The following MFAP3L variants were observed in gnomAD, a reference collection of about 807,000 sequenced individuals.
The protein encoded by MFAP3L is microfibrillar-associated protein 3-like.
A neutral mutation model predicts 20.0 loss-of-function variants in MFAP3L; 5 were observed. That is an observed-to-expected ratio of 0.25 (90% CI 0.13 to 0.53). The LOEUF (loss-of-function observed/expected upper bound fraction) is 0.53, where lower values mean the gene tolerates loss of function less well. MFAP3L is among the 20% of genes least tolerant of loss of function. The pLI is 0.96. For missense variants in MFAP3L, 409 were observed against 527.5 expected (o/e 0.78, Z 2.20); for synonymous variants, 219 against 213.0 (o/e 1.03, Z -0.25).
rs1012099842 is a variant in MFAP3L, at chr4:169,991,759, C to A, written c.849G>T (p.Arg283Ser). ...HTPEGQEAAD[R>S]DEVYTIPNSL... is the part of the protein sequence containing the mutation. ...AGTTGGGGATTGTGTAGACCTCATCCCTGTCTGCGGCCTCCTGGCCCTCTG... is the reference window on the plus strand; with the variant it reads ...AGTTGGGGATTGTGTAGACCTCATCACTGTCTGCGGCCTCCTGGCCCTCTG... Residue 283 changes from arginine to serine, a missense_variant, in exon 3 of 3, where the codon AGG (arginine) becomes AGT (serine). This residue lies in a region of MFAP3L where 169 missense variants were observed against 178.2 expected (regional missense o/e 0.95). Coordinates refer to ENST00000361618, the MANE Select transcript of MFAP3L (RefSeq NM_021647.8). This position sits in a 1 kb window ranked among gnomAD's most constrained non-coding sequence, Gnocchi z 4.9. 3 of 1,613,946 alleles carry A rather than the reference C, an allele frequency of 1.9e-6. No homozygotes were observed. Among genetic ancestry groups the A allele is most frequent in the East Asian group, 4.5e-5 (2 of 44,868 alleles).
At chr4:170,021,080 G>A (rs552343076) in intron 1 of MFAP3L, among the ~76,000 whole-genome samples, 7 of 151,946 alleles carry the variant, frequency 4.6e-5, no homozygotes, top group Non-Finnish European at 8.8e-5. Flanking sequence ...CAAGAGACCC[G>A]GGTTAGAACC....
chr4:170,006,115 C>CTTTT, intron 1 of MFAP3L, 105 bp from the exon 2 acceptor site: 3 of 605,306 alleles, frequency 5.0e-6, no homozygotes, highest in East Asian at 1.1e-4. Context: ...CATCAACATA[C>CTTTT]TTTTTTTTTT....
chr4:170,010,347 TAACACCTTTCAGG>T, intron 1 of MFAP3L, among the ~76,000 whole-genome samples: 1 of 152,226 alleles, frequency 6.6e-6, no homozygotes, highest in Non-Finnish European at 1.5e-5. Context: ...CTATCCCACC[TAACACCTTTCAGG>T]ATCAGCATAG....
rs1737643606 is a variant in MFAP3L at position 169,991,300 on chromosome 4, C to T, written c.*78G>A. 7.0e-6 allele frequency: 10 copies of T among 1,435,768 alleles called. No homozygotes were observed. Among genetic ancestry groups the T allele is most frequent in the Non-Finnish European group, 8.5e-6 (9 of 1,059,318 alleles). The allele number at this position is 1,435,768 out of a possible 1,614,324, so 88.9% of individuals were successfully genotyped here. On this transcript the variant is annotated 3_prime_UTR_variant, in exon 3 of 3. Coordinates refer to ENST00000361618, the MANE Select transcript of MFAP3L (RefSeq NM_021647.8). The surrounding 1 kb of genome is among the most constrained non-coding windows in gnomAD (Gnocchi z 4.9). ...ATGAGAGTCTCCTGGTAAGGCTTAGCGGCAAGTGCGTACTACATCTGTATT... is the reference window on the plus strand; with the variant it reads ...ATGAGAGTCTCCTGGTAAGGCTTAGTGGCAAGTGCGTACTACATCTGTATT...
At position 169,999,176 on chromosome 4, in the gene MFAP3L, C is replaced by T. The variant is rs564253457; in HGVS notation, c.298+6404G>A. Among the ~76,000 whole-genome samples, 14 of 152,332 alleles carry T rather than the reference C, an allele frequency of 9.2e-5. No homozygotes were observed. The South Asian group carries it at 2.5e-3, about 27-fold the overall frequency. The stretch of plus-strand genomic sequence containing the variant: ...AAGCTGCAAGTGCTCTTGTGCCTCC[C>T]CAACCCCACTCACAACCCTCCCAAG... On this transcript the variant is annotated intron_variant, in intron 2 of 2. Coordinates refer to ENST00000361618, the MANE Select transcript of MFAP3L (RefSeq NM_021647.8).
intron 1 of MFAP3L, among the ~76,000 whole-genome samples, chr4:170,015,447 C>T (rs1370017168): frequency 6.6e-6 from 1 of 152,202 alleles, no homozygotes; most frequent in East Asian, 1.9e-4. Flanking sequence ...TGGGGCAAAG[C>T]ACTGTGATGG....
rs991440905 is a variant in MFAP3L at position 170,005,958 on chromosome 4, G to C, written c.-81C>G. On this transcript the variant is annotated 5_prime_UTR_variant, in exon 2 of 3. Transcript: ENST00000361618. ...ATCAGACAACACACTGTTCACAGCA[G>C]GTCATGGGACAAACCTGTCCTGGGT... The C allele has an allele frequency of 6.6e-7, 1 of 1,517,854 alleles. No individual in the cohort carries two copies. Among genetic ancestry groups the C allele is most frequent in the Non-Finnish European group, 8.8e-7 (1 of 1,130,720 alleles). The allele number at this position is 1,517,854 out of a possible 1,614,324, so 94.0% of individuals were successfully genotyped here.
chr4:170,009,449 A>G (rs904909281), intron 1 of MFAP3L, among the ~76,000 whole-genome samples: 1 of 152,074 alleles, frequency 6.6e-6, no homozygotes, highest in Non-Finnish European at 1.5e-5. Flanking sequence ...TTGAGCCAGC[A>G]AAGAGTAAAA....
At chr4:170,003,545 G>A in intron 2 of MFAP3L, 1 of 350,906 alleles carries the variant, frequency 2.8e-6, no homozygotes, top group Non-Finnish European at 4.0e-6. Flanking sequence ...CTACACTTTG[G>A]GATAATCCTC....
At chr4:170,002,323 T>A (rs546833246) in intron 2 of MFAP3L, 26 of 868,180 alleles carry the variant, frequency 3.0e-5, no homozygotes, top group Middle Eastern at 1.2e-3. Context: ...GTTTCTCATC[T>A]GTATACATGA....
intron 1 of MFAP3L, among the ~76,000 whole-genome samples, chr4:170,006,452 G>A: frequency 6.6e-6 from 1 of 152,142 alleles, no homozygotes; most frequent in East Asian, 1.9e-4. Flanking sequence ...ACCATAAGAT[G>A]TTCCGGATGT....
At chr4:170,026,117 G>T in intron 1 of MFAP3L, 117 bp downstream of exon 1, 1 of 532,166 alleles carries the variant, frequency 1.9e-6, no homozygotes, top group Non-Finnish European at 2.4e-6. Context: ...CGCAGTCTCA[G>T]CCAGCCCAAA....
chr4:170,021,116 G>T (rs751230470), intron 1 of MFAP3L, among the ~76,000 whole-genome samples: 2 of 152,056 alleles, frequency 1.3e-5, no homozygotes, highest in Non-Finnish European at 2.9e-5. Context: ...ACAAGCTCTC[G>T]GAGAAAGAGC....
Position 169,992,075 on chromosome 4 carries a change from T to A in MFAP3L, c.533A>T (p.His178Leu), listed in dbSNP as rs1186202496. 6.2e-7 allele frequency: 1 copy of A among 1,614,188 alleles called. No homozygotes were observed. Among genetic ancestry groups the A allele is most frequent in the Admixed American group, 1.7e-5 (1 of 60,030 alleles). ...NITRLCMMSSHLKKTEKAINE... is the reference protein window; with the variant it reads ...NITRLCMMSSLLKKTEKAINE... ...GATGGCCTTCTCAGTCTTCTTTAGA[T>A]GGCTGCTCATCATGCACAGGCGGGT... is the stretch of plus-strand genomic sequence containing the variant. Residue 178 changes from histidine (H) to leucine (L), a missense_variant, in exon 3 of 3, where the codon CAT becomes CTT. Physicochemically the swap from His to Leu is moderately conservative, Grantham distance 99. Coordinates refer to ENST00000361618, the MANE Select transcript of MFAP3L (RefSeq NM_021647.8). This position sits in a 1 kb window ranked among gnomAD's most constrained non-coding sequence, Gnocchi z 4.3.
Position 169,991,515 on chromosome 4 carries a change from A to T in MFAP3L, c.1093T>A (p.Ser365Thr). The stretch of plus-strand genomic sequence containing the variant: ...GGCTCTTCAGATGTTAGCTCGGTGG[A>T]CGTGACATCGGTAGAAGGTTCTGCA... ...ETAEPSTDVT[S>T]TELTSEEPTP... The change falls in exon 3 of 3, where the codon TCC becomes ACC. Residue 365 changes from serine to threonine, a missense_variant. Around this residue, in one of 3 missense-constraint regions of MFAP3L, gnomAD observed 169 missense variants for 178.2 expected, o/e 0.95. Coordinates refer to ENST00000361618, the MANE Select transcript of MFAP3L (RefSeq NM_021647.8). The surrounding 1 kb of genome is among the most constrained non-coding windows in gnomAD (Gnocchi z 4.9). 1 of 1,614,006 alleles carries T rather than the reference A, an allele frequency of 6.2e-7. No individual in the cohort carries two copies. The highest frequency in any genetic ancestry group is 8.5e-7 in the Non-Finnish European group (1 of 1,180,000).
At chr4:170,014,886 T>G (rs1389937582) in intron 1 of MFAP3L, among the ~76,000 whole-genome samples, 2 of 152,174 alleles carry the variant, frequency 1.3e-5, no homozygotes, top group African/African-American at 4.8e-5. Flanking sequence ...GTGGGACAGC[T>G]CATAATAAAG....
At chr4:170,017,838 T>C (rs1054873167) in intron 1 of MFAP3L, among the ~76,000 whole-genome samples, 40 of 152,174 alleles carry the variant, frequency 2.6e-4, no homozygotes, top group African/African-American at 9.2e-4. Context: ...TGCTTTTCTC[T>C]CAGCTTTGAT....
rs1553998620 is a variant in MFAP3L at position 169,997,818 on chromosome 4, T to TTTTTTTTTTA, written c.299-5510_299-5509insTAAAAAAAAA. 3.1e-6 allele frequency: 3 copies of TTTTTTTTTTA among 962,374 alleles called. No homozygotes were observed. In the African/African-American group the frequency reaches 5.4e-5, roughly 17 times the overall value. The allele number at this position is 962,374 out of a possible 1,614,324, so 59.6% of individuals were successfully genotyped here. ...TCATTAATTCTTTTTTTTTTTTTTT[T>TTTTTTTTTTA]AATATTGCTGAGAATGTAGGGTAAG... On this transcript the variant is annotated intron_variant, in intron 2 of 2. Coordinates refer to ENST00000361618, the MANE Select transcript of MFAP3L (RefSeq NM_021647.8).
Position 169,991,561 on chromosome 4 carries a change from C to G in MFAP3L, c.1047G>C (p.Ser349=). The change falls in exon 3 of 3, where the codon TCG becomes TCC. Residue 349 remains serine (S), a synonymous_variant. Transcript: ENST00000361618. This position sits in a 1 kb window ranked among gnomAD's most constrained non-coding sequence, Gnocchi z 4.9. ...EVKDVEETEL[S]AEHSPETAEP... ...CTGCAGTTTCGGGGGAATGTTCCGCCGACAGTTCTGTCTCCTCTACATCTT... is the reference window on the plus strand; with the variant it reads ...CTGCAGTTTCGGGGGAATGTTCCGCGGACAGTTCTGTCTCCTCTACATCTT... 6.2e-7 allele frequency: 1 copy of G among 1,614,072 alleles called. No homozygotes were observed. Among genetic ancestry groups the G allele is most frequent in the Non-Finnish European group, 8.5e-7 (1 of 1,180,010 alleles).
Sources: allele counts gnomAD v4.1 joint callset (sites outside exome capture counted in the v4.1 genomes callset), GRCh38; gene constraint gnomAD v4.1.1; regional missense constraint gnomAD v4.1.1; non-coding constraint Gnocchi (gnomAD v3.1); transcripts MANE v1.5; gene names NCBI Gene and HGNC (gene_info 2026-07-23, HGNC 2026-07-21).